Variants in COG5 observed in about 807,000 individuals in gnomAD.
COG5 encodes the protein component of oligomeric golgi complex 5.
A neutral mutation model predicts 110.4 loss-of-function variants in COG5; 86 were observed. That is an observed-to-expected ratio of 0.78 (90% CI 0.65 to 0.93). The LOEUF (loss-of-function observed/expected upper bound fraction) is 0.93. Among genes scored for constraint, COG5 ranks in the 40% least tolerant of loss-of-function variants. The pLI, the probability that COG5 is intolerant of heterozygous loss-of-function variation, is 0.00. For synonymous variants in COG5, 360 were observed against 334.6 expected, an observed-to-expected ratio of 1.08 and a Z score of -0.83; for missense variants, 1,077 against 987.0, an observed-to-expected ratio of 1.09 and a Z score of -1.22.
chr7:107,491,954 C>G (rs1040587500), intron 6 of COG5, among the ~76,000 whole-genome samples: 4 of 152,000 alleles, frequency 2.6e-5, no homozygotes, highest in Admixed American at 2.0e-4. Flanking sequence ...CTGCATAATT[C>G]CAAAACAGAC....
At chr7:107,249,006 G>A (rs1802274547) in intron 16 of COG5, among the ~76,000 whole-genome samples, 1 of 152,202 alleles carries the variant, frequency 6.6e-6, no homozygotes, top group South Asian at 2.1e-4. Flanking sequence ...TTGTGTCATG[G>A]GGATTTGTAG....
intron 6 of COG5, among the ~76,000 whole-genome samples, chr7:107,519,276 C>CA (rs1461037184): frequency 2.0e-5 from 3 of 151,934 alleles, no homozygotes; most frequent in Non-Finnish European, 4.4e-5. Flanking sequence ...CAAAAGCTAG[C>CA]AGAAGACAAG....
chr7:107,298,167 A>C lies in COG5; in HGVS notation c.1288T>G (p.Phe430Val), dbSNP rs976032005. 1 of 1,609,822 alleles carries C rather than the reference A, an allele frequency of 6.2e-7. No homozygotes were observed. The highest frequency in any genetic ancestry group is 1.3e-5 in the African/African-American group (1 of 74,876). ...TCATAATCTGGCTTTTTTGGTATGA[A>C]TATATCTTGTGCATCATCTTCCATG... ...QHMEDDAQDI[F>V]IPKKPDYDPE... Residue 430 changes from phenylalanine to valine, a missense_variant, in exon 12 of 22, where the codon TTC becomes GTC. Physicochemically the swap from Phe to Val is conservative, Grantham distance 50 (BLOSUM62 -1). Coordinates refer to ENST00000297135, the MANE Select transcript of COG5 (RefSeq NM_006348.5).
chr7:107,478,706 G>A (rs1797133936), intron 6 of COG5, among the ~76,000 whole-genome samples: 2 of 151,876 alleles, frequency 1.3e-5, no homozygotes, highest in South Asian at 4.1e-4. Flanking sequence ...CATAGTTTCA[G>A]ACATCCTCTG....
At chr7:107,486,925 A>G (rs1236358881) in intron 6 of COG5, among the ~76,000 whole-genome samples, 1 of 152,286 alleles carries the variant, frequency 6.6e-6, no homozygotes, top group South Asian at 2.1e-4. Flanking sequence ...GGTACTGCCT[A>G]GAGTTGTGAG....
rs561061311 is a variant in COG5 at position 107,339,894 on chromosome 7, T to C, written c.1027-15373A>G. ...TAAGAGGAAAGTTTTAAGTGCCAAATACCTACCTCAAAAAGTCAGAAAGAT... is the reference window on the plus strand; with the variant it reads ...TAAGAGGAAAGTTTTAAGTGCCAAACACCTACCTCAAAAAGTCAGAAAGAT... On this transcript the variant is annotated intron_variant, in intron 10 of 21. Transcript: ENST00000297135. Among the ~76,000 whole-genome samples, 24 of 152,034 alleles carry C rather than the reference T, an allele frequency of 1.6e-4. 1 individual carries two copies. In the South Asian group the frequency reaches 5.0e-3, roughly 32 times the overall value.
chr7:107,511,411 C>G (rs1174477692), intron 6 of COG5, among the ~76,000 whole-genome samples: 1 of 152,086 alleles, frequency 6.6e-6, no homozygotes. Flanking sequence ...CAATAGCTTA[C>G]CAACCAAAAA....
intron 6 of COG5, among the ~76,000 whole-genome samples, chr7:107,447,954 G>A (rs779289926): frequency 3.3e-5 from 5 of 152,152 alleles, no homozygotes; most frequent in African/African-American, 4.8e-5. Context: ...TCAGGAGTTC[G>A]AGACCAGCCT....
chr7:107,438,473 C>G (rs1359569503), intron 6 of COG5, among the ~76,000 whole-genome samples: 1 of 152,182 alleles, frequency 6.6e-6, no homozygotes, highest in Non-Finnish European at 1.5e-5. Flanking sequence ...TAAGCCACTG[C>G]TTTATCTTTC....
At position 107,307,317 on chromosome 7, in the gene COG5, T is replaced by C. The variant is rs78111105; in HGVS notation, c.1109-8971A>G. ...GTCCATGACCCCATTCTTTCCTGTA[T>C]TTTCTACTTCTCTAAATTTTTCTTT... On this transcript the variant is annotated intron_variant, in intron 11 of 21. Transcript: ENST00000297135. Among the ~76,000 whole-genome samples, 788 of 152,324 alleles carry C rather than the reference T, an allele frequency of 5.2e-3. 7 individuals carry two copies. Among genetic ancestry groups the C allele is most frequent in the African/African-American group, 0.018 (732 of 41,580 alleles).
rs1283643313 is a variant in COG5 at position 107,203,338 on chromosome 7, C to G, written c.*178G>C. The G allele has an allele frequency of 8.1e-6, 5 of 615,834 alleles. No individual in the cohort carries two copies. Among genetic ancestry groups the G allele is most frequent in the Non-Finnish European group, 1.2e-5 (4 of 344,600 alleles). 38.1% of individuals were successfully genotyped at this position (615,834 alleles called of 1,614,324 possible). A position where few individuals can be genotyped will look rare whatever the true frequency, so the allele number is the denominator to read the frequency against. The stretch of plus-strand genomic sequence containing the variant: ...ATGGAATTGAAAGGTGGTGATAACT[C>G]AACATTTTTTATGCTAAAGTATAAG... On this transcript the variant is annotated 3_prime_UTR_variant, in exon 22 of 22. Transcript: ENST00000297135.
At chr7:107,529,883 G>A (rs979608566) in intron 5 of COG5, among the ~76,000 whole-genome samples, 1 of 152,178 alleles carries the variant, frequency 6.6e-6, no homozygotes, top group Non-Finnish European at 1.5e-5. Flanking sequence ...TTCGACACCA[G>A]TAACTTGGAT....
At chr7:107,284,695 T>C (rs543974921) in intron 12 of COG5, among the ~76,000 whole-genome samples, 1 of 152,362 alleles carries the variant, frequency 6.6e-6, no homozygotes, top group East Asian at 1.9e-4. Context: ...CCCATATCTT[T>C]AATAATTCAT....
At chr7:107,559,562 T>C (rs1056328661) in intron 1 of COG5, among the ~76,000 whole-genome samples, 1 of 152,212 alleles carries the variant, frequency 6.6e-6, no homozygotes, top group Non-Finnish European at 1.5e-5. Context: ...AATTAACTAA[T>C]CTATACATCA....
intron 11 of COG5, among the ~76,000 whole-genome samples, chr7:107,298,845 A>AT (rs1426738570): frequency 1.3e-5 from 2 of 152,162 alleles, no homozygotes; most frequent in African/African-American, 2.4e-5. Context: ...TTGTTCTCTA[A>AT]CCAAAATAGT....
intron 10 of COG5, among the ~76,000 whole-genome samples, chr7:107,347,085 AAGAG>A (rs1372512686): frequency 6.6e-6 from 1 of 152,188 alleles, no homozygotes; most frequent in African/African-American, 2.4e-5. Flanking sequence ...GATTGCATCA[AAGAG>A]AGAGAGACAA....
chr7:107,393,046 C>A (rs1332816051), intron 7 of COG5, among the ~76,000 whole-genome samples: 3 of 152,136 alleles, frequency 2.0e-5, no homozygotes, highest in Non-Finnish European at 2.9e-5. Context: ...CAACTTCTTG[C>A]CTCGCATACC....
rs967842590 is a variant in COG5, at chr7:107,201,399, A to C, written c.*2117T>G. ...GATTTGTAAACATTCACTGAGTTTA[A>C]TTTTATTTCCACAGGGCTCACAACA... On this transcript the variant is annotated 3_prime_UTR_variant, in exon 22 of 22. Coordinates refer to ENST00000297135, the MANE Select transcript of COG5 (RefSeq NM_006348.5). 1.9e-6 allele frequency: 3 copies of C among 1,550,016 alleles called. No individual in the cohort carries two copies. The African/African-American group carries it at 4.1e-5, about 21-fold the overall frequency.
chr7:107,425,952 A>G (rs1793617522), intron 6 of COG5, among the ~76,000 whole-genome samples: 1 of 152,296 alleles, frequency 6.6e-6, no homozygotes, highest in East Asian at 1.9e-4. Context: ...ATACCCACAC[A>G]TGGAGAATGC....
Sources: allele counts gnomAD v4.1 joint callset (sites outside exome capture counted in the v4.1 genomes callset), GRCh38; gene constraint gnomAD v4.1.1; transcripts MANE v1.5; gene names NCBI Gene and HGNC (gene_info 2026-07-23, HGNC 2026-07-21).